PTPRN2: variants seen among roughly 807,000 people sequenced by gnomAD.
PTPRN2 encodes the protein protein tyrosine phosphatase receptor type N2, also known as receptor-type tyrosine-protein phosphatase N2.
Under a neutral mutation model 118.8 loss-of-function variants are expected in PTPRN2, and 74 were observed. The observed-to-expected ratio is 0.62, with a 90% confidence interval of 0.52 to 0.76. The LOEUF is 0.76. Among genes scored for constraint, PTPRN2 ranks in the 30% least tolerant of loss-of-function variants. The pLI is 0.00. For missense variants in PTPRN2, 1,481 were observed against 1,394.4 expected, an observed-to-expected ratio of 1.06 and a Z score of -0.99; for synonymous variants, 641 against 608.0, an observed-to-expected ratio of 1.05 and a Z score of -0.80.
chr7:158,358,157 C>G (rs1054995201), intron 2 of PTPRN2, among the ~76,000 whole-genome samples: 1 of 152,204 alleles, frequency 6.6e-6, no homozygotes, highest in Non-Finnish European at 1.5e-5. Flanking sequence ...GGACTGGGTG[C>G]CCAGCAAGCC....
rs1491536033 is a variant in PTPRN2 at position 158,210,129 on chromosome 7, ATC to A, written c.278-4858_278-4857del. 2.7e-3 allele frequency among the ~76,000 whole-genome samples: 347 copies of A among 128,688 alleles called. 2 individuals carry two copies. The highest frequency in any genetic ancestry group is 0.011 in the African/African-American group (336 of 30,474). The allele number at this position is 128,688 out of a possible 152,430, so 84.4% of individuals were successfully genotyped here. A position where few individuals can be genotyped will look rare whatever the true frequency, so the allele number is the denominator to read the frequency against. ...ATACCCTCAAACAATCTAATGATGCATCTTTTTTTTTTTTTTTTTTTTTTGAG... is the reference window on the plus strand; with the variant it reads ...ATACCCTCAAACAATCTAATGATGCATTTTTTTTTTTTTTTTTTTTTTGAG... On this transcript the variant is annotated intron_variant, in intron 3 of 22. Coordinates refer to ENST00000389418, the MANE Select transcript of PTPRN2 (RefSeq NM_002847.5).
intron 2 of PTPRN2, among the ~76,000 whole-genome samples, chr7:158,440,820 AGTGGTG>A (rs368710306): frequency 5.6e-5 from 5 of 89,850 alleles, no homozygotes; most frequent in African/African-American, 9.9e-5. Flanking sequence ...TGGTAGTAGT[AGTGGTG>A]GTGGTGGTGA....
chr7:158,211,855 T>C (rs1476231347), intron 3 of PTPRN2, among the ~76,000 whole-genome samples: 1 of 152,194 alleles, frequency 6.6e-6, no homozygotes, highest in Non-Finnish European at 1.5e-5. Flanking sequence ...AATCCAGCAA[T>C]CCCACTGCTA....
Position 157,733,950 on chromosome 7 carries a change from T to G in PTPRN2, c.1789-51013A>C, listed in dbSNP as rs71541696. 3.0e-3 allele frequency among the ~76,000 whole-genome samples: 154 copies of G among 50,572 alleles called. 3 individuals carry two copies. The highest frequency in any genetic ancestry group is 4.1e-3 in the Non-Finnish European group (102 of 24,834). 33.2% of individuals were successfully genotyped at this position (50,572 alleles called of 152,430 possible). On this transcript the variant is annotated intron_variant, in intron 12 of 22. Transcript: ENST00000389418. ...AGCACAGTTACCCTTTCCCGTCCCA[T>G]GCGCCCAGCACAGTTACCCTTTCCC...
intron 3 of PTPRN2, among the ~76,000 whole-genome samples, chr7:158,235,428 A>G (rs1036016181): frequency 1.3e-5 from 2 of 152,236 alleles, no homozygotes; most frequent in African/African-American, 4.8e-5. Context: ...AAAGGGTGCA[A>G]GCCTGTCATA....
chr7:157,580,818 A>C (rs1209761185), intron 17 of PTPRN2, among the ~76,000 whole-genome samples: 78 of 41,720 alleles, frequency 1.9e-3, no homozygotes, highest in Admixed American at 2.2e-3. Context: ...ACACCCCAGC[A>C]CCTGCACACC....
At position 158,201,483 on chromosome 7, in the gene PTPRN2, T is replaced by C. The variant is rs1405725513; in HGVS notation, c.380+3688A>G. On this transcript the variant is annotated intron_variant, in intron 4 of 22. Transcript: ENST00000389418. The stretch of plus-strand genomic sequence containing the variant: ...AACTCTAAAATATATTTCCTTGCAA[T>C]ACCTGGAAATTGCCCTGCAAAGTCT... 2.0e-5 allele frequency among the ~76,000 whole-genome samples: 3 copies of C among 152,188 alleles called. No homozygotes were observed. The East Asian group carries it at 5.8e-4, about 29-fold the overall frequency.
intron 2 of PTPRN2, among the ~76,000 whole-genome samples, chr7:158,384,445 A>G (rs1014716007): frequency 6.6e-6 from 1 of 152,120 alleles, no homozygotes; most frequent in African/African-American, 2.4e-5. Context: ...AGTGAAAGGT[A>G]GGCACTGACA....
chr7:157,780,512 G>A lies in PTPRN2; in HGVS notation c.1789-97575C>T, dbSNP rs111634746. On this transcript the variant is annotated intron_variant, in intron 12 of 22. Coordinates refer to ENST00000389418, the MANE Select transcript of PTPRN2 (RefSeq NM_002847.5). The surrounding 1 kb of genome is among the most constrained non-coding windows in gnomAD (Gnocchi z 4.5). ...GTTCGCTTGTCCCCACAGGCAGCTC[G>A]ACATGGTGCAGACCGTGGCAGCCAA... Among the ~76,000 whole-genome samples the A allele has an allele frequency of 6.0e-4, 91 of 152,226 alleles. No homozygotes were observed. The highest frequency in any genetic ancestry group is 2.1e-3 in the African/African-American group (89 of 41,546).
chr7:158,270,998 ATCCACCTGGACCACCCC>A (rs1255457671), intron 3 of PTPRN2, among the ~76,000 whole-genome samples: 36 of 13,480 alleles, frequency 2.7e-3, no homozygotes, highest in Non-Finnish European at 3.6e-3. Flanking sequence ...GGGCCTCCCC[ATCCACCTGGACCACCCC>A]TCCACCTGGA....
At chr7:157,542,652 C>T (rs1036985489) in intron 22 of PTPRN2, among the ~76,000 whole-genome samples, 2 of 152,230 alleles carry the variant, frequency 1.3e-5, no homozygotes, top group Non-Finnish European at 2.9e-5. Flanking sequence ...CTGTTTCCAA[C>T]ACTGCACAGT....
In PTPRN2 at chr7:158,261,256, G is replaced by T. The variant is rs561257807; in HGVS notation, c.277+55563C>A. Reference sequence around the variant, plus strand: ...TGCATGCAGACAAGCAGGCCGGGCAGCGGGAAGAAGCTCCCGGAAAGATGG... The same window carrying T: ...TGCATGCAGACAAGCAGGCCGGGCATCGGGAAGAAGCTCCCGGAAAGATGG... On this transcript the variant is annotated intron_variant, in intron 3 of 22. Transcript: ENST00000389418. Among the ~76,000 whole-genome samples the T allele has an allele frequency of 3.3e-5, 5 of 152,286 alleles. 1 individual carries two copies. The highest frequency in any genetic ancestry group is 1.2e-4 in the African/African-American group (5 of 41,572).
chr7:158,004,359 C>A (rs1805500394), intron 11 of PTPRN2, among the ~76,000 whole-genome samples: 1 of 152,130 alleles, frequency 6.6e-6, no homozygotes, highest in Non-Finnish European at 1.5e-5. Flanking sequence ...TCCTGTGTGT[C>A]CACAGCTGGG....
intron 3 of PTPRN2, among the ~76,000 whole-genome samples, chr7:158,310,851 C>T (rs1168605450): frequency 1.8e-5 from 1 of 56,548 alleles, no homozygotes; most frequent in African/African-American, 5.4e-5. Flanking sequence ...GCAAATCCCA[C>T]GGAGGGCGAG....
At chr7:158,071,593 TGC>T (rs1811723755) in intron 11 of PTPRN2, among the ~76,000 whole-genome samples, 6 of 80,444 alleles carry the variant, frequency 7.5e-5, no homozygotes, top group Non-Finnish European at 1.5e-4. Flanking sequence ...CTGGTGGAGG[TGC>T]TCCTGGTGGA....
At chr7:158,467,015 C>G (rs977739726) in intron 2 of PTPRN2, among the ~76,000 whole-genome samples, 1 of 152,152 alleles carries the variant, frequency 6.6e-6, no homozygotes, top group South Asian at 2.1e-4. Flanking sequence ...TAGGACAGAG[C>G]GAGACTGTCT....
chr7:158,532,416 A>G (rs1825315522), intron 1 of PTPRN2, among the ~76,000 whole-genome samples: 1 of 152,190 alleles, frequency 6.6e-6, no homozygotes, highest in African/African-American at 2.4e-5. Flanking sequence ...GCATCAGAGC[A>G]TTCCAGTCAC....
chr7:158,446,793 A>G lies in PTPRN2; in HGVS notation c.163+42942T>C, dbSNP rs912690204. Among the ~76,000 whole-genome samples, 18 of 152,034 alleles carry G rather than the reference A, an allele frequency of 1.2e-4. No homozygotes were observed. The South Asian group carries it at 3.3e-3, about 28-fold the overall frequency. Reference sequence around the variant, plus strand: ...ATGGCAGCCCCAGCCTCTGTCCACCATCAGGCACGCTGGGCTGTCACACAG... The same window carrying G: ...ATGGCAGCCCCAGCCTCTGTCCACCGTCAGGCACGCTGGGCTGTCACACAG... On this transcript the variant is annotated intron_variant, in intron 2 of 22. Coordinates refer to ENST00000389418, the MANE Select transcript of PTPRN2 (RefSeq NM_002847.5).
At chr7:158,415,082 ACC>A (rs1308223587) in intron 2 of PTPRN2, among the ~76,000 whole-genome samples, 42 of 151,528 alleles carry the variant, frequency 2.8e-4, no homozygotes, top group African/African-American at 4.1e-4. Flanking sequence ...TGATGATACA[ACC>A]AGCTACTTCT....
Sources: gnomAD v4.1 joint callset for allele counts (sites outside exome capture counted in the v4.1 genomes callset) on GRCh38, gnomAD v4.1.1 for gene constraint, Gnocchi (gnomAD v3.1) non-coding constraint, MANE v1.5 for transcripts, NCBI Gene and HGNC (gene_info 2026-07-23, HGNC 2026-07-21) for gene names.